The following CCDC7 variants were observed in gnomAD, a reference collection of about 807,000 sequenced individuals.
CCDC7 encodes coiled-coil domain-containing protein 7.
In CCDC7, 183 loss-of-function variants were observed where a neutral mutation model predicts 196.9. That is an observed-to-expected ratio of 0.93 (90% CI 0.82 to 1.05). CCDC7 has a LOEUF of 1.05. Ranked by LOEUF, CCDC7 falls within the 50% of genes least tolerant of loss-of-function variation. The pLI is 0.00. For missense variants in CCDC7, 1,540 were observed against 1,482.2 expected, an observed-to-expected ratio of 1.04 and a Z score of -0.64; for synonymous variants, 525 against 484.6, an observed-to-expected ratio of 1.08 and a Z score of -1.10.
chr10:32,453,280 A>T, intron 1 of CCDC7, 64 bp from the exon 3 acceptor site: 2 of 1,122,450 alleles, frequency 1.8e-6, no homozygotes, highest in South Asian at 3.1e-5. Context: ...AATATTATTT[A>T]CATTTAATAT....
At chr10:32,655,005 G>C (rs1187453890) in intron 20 of CCDC7, among the ~76,000 whole-genome samples, 2 of 152,160 alleles carry the variant, frequency 1.3e-5, no homozygotes, top group East Asian at 3.9e-4. Flanking sequence ...CTAGGGTGAG[G>C]GATATTCTGG....
intron 29 of CCDC7, among the ~76,000 whole-genome samples, chr10:32,800,766 T>G (rs1413888775): frequency 2.6e-5 from 4 of 152,216 alleles, no homozygotes; most frequent in African/African-American, 9.6e-5. Context: ...GTTTACAAAC[T>G]GTAAACTGGT....
At chr10:32,576,427 C>G (rs895767787) in intron 16 of CCDC7, among the ~76,000 whole-genome samples, 5 of 151,942 alleles carry the variant, frequency 3.3e-5, no homozygotes, top group Non-Finnish European at 5.9e-5. Context: ...GGTACGGTAG[C>G]CTATAGCTTG....
chr10:32,531,737 TG>T (rs2049696685), intron 11 of CCDC7, among the ~76,000 whole-genome samples: 1 of 152,176 alleles, frequency 6.6e-6, no homozygotes, highest in South Asian at 2.1e-4. Flanking sequence ...TACTTATTAT[TG>T]GTTTGCTGAT....
intron 9 of CCDC7, 74 bp downstream of exon 10, chr10:32,492,071 T>C: frequency 7.3e-7 from 1 of 1,374,766 alleles, no homozygotes; most frequent in Non-Finnish European, 9.5e-7. Flanking sequence ...TATTTTTCCA[T>C]ATGTAATATG....
rs1554940363 is a variant in CCDC7, at chr10:32,640,872, T to TC, written c.2014+5714_2014+5715insC. On this transcript the variant is annotated intron_variant, in intron 20 of 41. Transcript: ENST00000639629. ...TCTGGCTTGTAGATTTTCTTTTTTT[T>TC]TTTCTTTTTTTTTTTATTATACTCT... Among the ~76,000 whole-genome samples, 448 of 52,468 alleles carry TC rather than the reference T, an allele frequency of 8.5e-3. 5 individuals carry two copies. The highest frequency in any genetic ancestry group is 0.022 in the Middle Eastern group (2 of 90). 34.4% of individuals were successfully genotyped at this position (52,468 alleles called of 152,430 possible). A position where few individuals can be genotyped will look rare whatever the true frequency, so the allele number is the denominator to read the frequency against.
chr10:32,470,922 A>G (rs2037813757), intron 5 of CCDC7, 142 bp from the exon 7 acceptor site: 1 of 731,398 alleles, frequency 1.4e-6, no homozygotes, highest in Non-Finnish European at 2.0e-6. Flanking sequence ...TTTGTAAAAT[A>G]TTGTATCATT....
intron 21 of CCDC7, among the ~76,000 whole-genome samples, chr10:32,670,506 G>T (rs1206179033): frequency 6.6e-6 from 1 of 150,828 alleles, no homozygotes; most frequent in Admixed American, 6.6e-5. Context: ...TCGTCATCTA[G>T]CATTAGGTAT....
At chr10:32,549,302 A>G (rs2053071122) in intron 13 of CCDC7, among the ~76,000 whole-genome samples, 1 of 152,006 alleles carries the variant, frequency 6.6e-6, no homozygotes, top group Non-Finnish European at 1.5e-5. Context: ...CGTCATAGAT[A>G]TTAGGTGTTA....
At chr10:32,799,310 A>C (rs1030135292) in intron 29 of CCDC7, among the ~76,000 whole-genome samples, 2 of 152,182 alleles carry the variant, frequency 1.3e-5, no homozygotes, top group African/African-American at 2.4e-5. Context: ...GGGGCCTGCC[A>C]ATGTCTCCAA....
chr10:32,681,057 C>T (rs2075789248), intron 21 of CCDC7, among the ~76,000 whole-genome samples: 1 of 152,198 alleles, frequency 6.6e-6, no homozygotes, highest in Non-Finnish European at 1.5e-5. Flanking sequence ...TCAGTCTCCA[C>T]CTTTGAGATT....
chr10:32,586,756 C>T (rs1429848285), intron 18 of CCDC7, among the ~76,000 whole-genome samples: 1 of 152,104 alleles, frequency 6.6e-6, no homozygotes, highest in Non-Finnish European at 1.5e-5. Context: ...GTACCAGTAC[C>T]AAGCTGTTTT....
At chr10:32,811,393 T>C (rs2087072299) in intron 30 of CCDC7, among the ~76,000 whole-genome samples, 2 of 151,832 alleles carry the variant, frequency 1.3e-5, no homozygotes, top group Non-Finnish European at 2.9e-5. Context: ...AACTGGAAAA[T>C]CTAGAGGAAA....
At chr10:32,736,446 TA>T (rs2084883800) in intron 28 of CCDC7, among the ~76,000 whole-genome samples, 1 of 152,136 alleles carries the variant, frequency 6.6e-6, no homozygotes, top group African/African-American at 2.4e-5. Context: ...ATGTGCAGGT[TA>T]GTTACATATG....
At chr10:32,616,527 G>A (rs2062788352) in intron 18 of CCDC7, among the ~76,000 whole-genome samples, 1 of 150,424 alleles carries the variant, frequency 6.6e-6, no homozygotes, top group Non-Finnish European at 1.5e-5. Context: ...AAACTTTTCC[G>A]AATTGATTTA....
At chr10:32,750,187 G>A (rs1239278226) in intron 28 of CCDC7, among the ~76,000 whole-genome samples, 1 of 152,098 alleles carries the variant, frequency 6.6e-6, no homozygotes, top group African/African-American at 2.4e-5. Flanking sequence ...TTAATGTAAT[G>A]TAAGACATGT....
chr10:32,836,330 C>A (rs1399567175), intron 33 of CCDC7, among the ~76,000 whole-genome samples: 2 of 152,010 alleles, frequency 1.3e-5, no homozygotes, highest in Non-Finnish European at 2.9e-5. Flanking sequence ...CACTAAAAAG[C>A]AAACAGCAAG....
chr10:32,673,659 G>GTC (rs1450217666), intron 21 of CCDC7, among the ~76,000 whole-genome samples: 6 of 126,730 alleles, frequency 4.7e-5, no homozygotes, highest in Non-Finnish European at 7.1e-5. Context: ...GTGCACGTGT[G>GTC]TGTGTGTGTG....
At chr10:32,465,256 G>A (rs1460154866) in intron 5 of CCDC7, among the ~76,000 whole-genome samples, 5 of 152,070 alleles carry the variant, frequency 3.3e-5, no homozygotes, top group Non-Finnish European at 5.9e-5. Context: ...ACCCTTAAGA[G>A]TTTAGCCATG....
Sources: allele counts gnomAD v4.1 joint callset (sites outside exome capture counted in the v4.1 genomes callset), GRCh38; gene constraint gnomAD v4.1.1; transcripts MANE v1.5; gene names NCBI Gene and HGNC (gene_info 2026-07-23, HGNC 2026-07-21).